Variants in SLC8A3 observed in about 807,000 individuals in gnomAD.
SLC8A3 encodes the protein solute carrier family 8 member A3.
A neutral mutation model predicts 65.4 loss-of-function variants in SLC8A3; 37 were observed. The observed-to-expected ratio is 0.57, with a 90% CI of 0.44 to 0.74. SLC8A3 has a LOEUF of 0.74. Among genes scored for constraint, SLC8A3 ranks in the 30% least tolerant of loss-of-function variants. The probability of loss-of-function intolerance (pLI) is 0.00; values close to 1 mark genes in which losing one functional copy is unlikely to be tolerated. For synonymous variants in SLC8A3, 461 were observed against 444.5 expected (o/e 1.04, Z -0.47); for missense variants, 1,112 against 1,172.1 (o/e 0.95, Z 0.75).
chr14:70,071,770 C>A (rs1434506453), intron 2 of SLC8A3, among the ~76,000 whole-genome samples: 1 of 152,200 alleles, frequency 6.6e-6, no homozygotes, highest in Non-Finnish European at 1.5e-5. Flanking sequence ...ACGTTTCTGA[C>A]AATTTGCTAC....
rs1049372809 is a variant in SLC8A3 at position 70,168,326 on chromosome 14, C to G, written c.97G>C (p.Gly33Arg). 2 of 1,614,158 alleles carry G rather than the reference C, an allele frequency of 1.2e-6. No homozygotes were observed. Among genetic ancestry groups the G allele is most frequent in the Non-Finnish European group, 8.5e-7 (1 of 1,180,026 alleles). ...LFLNGLRAEAGGSGDVPSTGQ... is the reference protein window; with the variant it reads ...LFLNGLRAEARGSGDVPSTGQ... ...GTGCTTGGCACGTCCCCTGAGCCACCAGCCTCTGCTCGAAGACCATTCAGG... is the reference window on the plus strand; with the variant it reads ...GTGCTTGGCACGTCCCCTGAGCCACGAGCCTCTGCTCGAAGACCATTCAGG... Residue 33 changes from glycine to arginine, a missense_variant, in exon 2 of 7, where the codon GGT becomes CGT. Transcript: ENST00000356921.
chr14:70,051,950 A>G (rs375343746), intron 4 of SLC8A3, 40 bp downstream of exon 4: 7 of 1,578,734 alleles, frequency 4.4e-6, no homozygotes, highest in Non-Finnish European at 6.1e-6. Flanking sequence ...TCCCACTTTA[A>G]TTTATTTATT....
In SLC8A3 at chr14:70,045,968, A is replaced by G. The variant is rs767529099; in HGVS notation, c.2745T>C (p.Tyr915=). Residue 915 remains tyrosine, a synonymous_variant, in exon 7 of 7, where the codon TAT becomes TAC. Transcript: ENST00000356921. ...LYILFATLEA[Y]CYIKGF ...TGGCTTAGAACCCCTTGATGTAGCAATAGGCCTCTAGTGTGGCAAAGAGTA... is the reference window on the plus strand; with the variant it reads ...TGGCTTAGAACCCCTTGATGTAGCAGTAGGCCTCTAGTGTGGCAAAGAGTA... The G allele has an allele frequency of 1.4e-5, 22 of 1,599,102 alleles. No individual in the cohort carries two copies. Among genetic ancestry groups the G allele is most frequent in the Non-Finnish European group, 1.7e-5 (20 of 1,169,666 alleles).
At chr14:70,082,751 A>C (rs1042872022) in intron 2 of SLC8A3, among the ~76,000 whole-genome samples, 1 of 152,200 alleles carries the variant, frequency 6.6e-6, no homozygotes, top group African/African-American at 2.4e-5. Context: ...GCCATCAAGC[A>C]TTCCTCTGAA....
intron 2 of SLC8A3, among the ~76,000 whole-genome samples, chr14:70,129,138 C>G (rs1305563448): frequency 6.6e-6 from 1 of 152,222 alleles, no homozygotes; most frequent in Admixed American, 6.5e-5. Flanking sequence ...AAGCCCATCT[C>G]AGATCACACC....
At chr14:70,080,381 T>C (rs1594950929) in intron 2 of SLC8A3, among the ~76,000 whole-genome samples, 1 of 152,144 alleles carries the variant, frequency 6.6e-6, no homozygotes, top group African/African-American at 2.4e-5. Flanking sequence ...GAGATTTACC[T>C]GTGCATTCCA....
intron 2 of SLC8A3, among the ~76,000 whole-genome samples, chr14:70,079,557 A>G (rs759883249): frequency 1.5e-4 from 23 of 152,058 alleles, no homozygotes; most frequent in Non-Finnish European, 3.1e-4. Context: ...TATCACACTG[A>G]ACATTCTCTG....
chr14:70,144,625 A>C (rs1229783572), intron 2 of SLC8A3, among the ~76,000 whole-genome samples: 4 of 69,316 alleles, frequency 5.8e-5, no homozygotes, highest in African/African-American at 2.6e-4. Context: ...GCGAGACTCC[A>C]CCTAAAAAAA....
At chr14:70,111,099 C>T (rs1223724324) in intron 2 of SLC8A3, among the ~76,000 whole-genome samples, 3 of 152,184 alleles carry the variant, frequency 2.0e-5, no homozygotes, top group Non-Finnish European at 4.4e-5. Flanking sequence ...ACTGTTTTCC[C>T]TGGTGGTTGT....
At chr14:70,143,631 G>A (rs1486448558) in intron 2 of SLC8A3, among the ~76,000 whole-genome samples, 3 of 152,074 alleles carry the variant, frequency 2.0e-5, no homozygotes, top group African/African-American at 4.8e-5. Context: ...CAAGCTTCCC[G>A]GGTAATTCTC....
At position 70,167,346 on chromosome 14, in the gene SLC8A3, A is replaced by C; in HGVS notation, c.1077T>G (p.Thr359=). Residue 359 remains threonine, a synonymous_variant, in exon 2 of 7, where the codon ACT becomes ACG. Transcript: ENST00000356921. The stretch of plus-strand genomic sequence containing the variant: ...TATTGCCTGCACCAGTCATCATACG[A>C]GTGGCTTGGATACGGTAGAAGGCAC... ...KSRAFYRIQA[T]RMMTGAGNIL... The C allele has an allele frequency of 6.2e-7, 1 of 1,614,108 alleles. No homozygotes were observed. Among genetic ancestry groups the C allele is most frequent in the Non-Finnish European group, 8.5e-7 (1 of 1,180,020 alleles).
chr14:70,167,532 T>C lies in SLC8A3; in HGVS notation c.891A>G (p.Leu297=), dbSNP rs1165486904. ...MDGKMMNSHF[L]DGNLVPLEGK... ...CTTCCAGGGGCACCAGGTTCCCATC[T>C]AGAAAATGGGAATTCATCATTTTCC... The change falls in exon 2 of 7, where the codon CTA becomes CTG. Residue 297 remains leucine (L), a synonymous_variant. Coordinates refer to ENST00000356921, the MANE Select transcript of SLC8A3 (RefSeq NM_182932.3). 6.2e-7 allele frequency: 1 copy of C among 1,614,034 alleles called. No individual in the cohort carries two copies.
intron 2 of SLC8A3, among the ~76,000 whole-genome samples, chr14:70,111,472 C>T (rs1893300552): frequency 6.6e-6 from 1 of 152,152 alleles, no homozygotes; most frequent in African/African-American, 2.4e-5. Context: ...ATTTTGTAAA[C>T]CATCAAGTGT....
intron 2 of SLC8A3, among the ~76,000 whole-genome samples, chr14:70,118,822 G>A (rs1316438500): frequency 6.6e-6 from 1 of 152,148 alleles, no homozygotes; most frequent in Non-Finnish European, 1.5e-5. Flanking sequence ...AAGAACACAA[G>A]CAGTTGTACA....
chr14:70,159,994 C>T (rs529771795), intron 2 of SLC8A3, among the ~76,000 whole-genome samples: 2 of 152,296 alleles, frequency 1.3e-5, no homozygotes, highest in Admixed American at 1.3e-4. Flanking sequence ...CACCAACCAA[C>T]TGTGGGTGCC....
intron 1 of SLC8A3, among the ~76,000 whole-genome samples, chr14:70,186,381 C>T (rs1238472901): frequency 1.3e-5 from 2 of 152,250 alleles, no homozygotes; most frequent in Middle Eastern, 3.4e-3. Flanking sequence ...GTATAATAAG[C>T]AGGGATGTGG....
chr14:70,150,528 T>C (rs1295932728), intron 2 of SLC8A3, among the ~76,000 whole-genome samples: 1 of 152,138 alleles, frequency 6.6e-6, no homozygotes, highest in East Asian at 1.9e-4. Flanking sequence ...CATCAAGCAG[T>C]GATAGGAGGG....
chr14:70,140,617 T>C (rs1462676104), intron 2 of SLC8A3, among the ~76,000 whole-genome samples: 1 of 152,186 alleles, frequency 6.6e-6, no homozygotes, highest in Non-Finnish European at 1.5e-5. Context: ...CTCTGTAAAA[T>C]AGTAATAGTA....
intron 2 of SLC8A3, among the ~76,000 whole-genome samples, chr14:70,105,613 A>G (rs1196701979): frequency 6.6e-6 from 1 of 152,216 alleles, no homozygotes; most frequent in Non-Finnish European, 1.5e-5. Context: ...CCTTCCCCCA[A>G]GGAAGCTCTA....
Sources: allele counts gnomAD v4.1 joint callset (sites outside exome capture counted in the v4.1 genomes callset), GRCh38; gene constraint gnomAD v4.1.1; transcripts MANE v1.5; gene names NCBI Gene and HGNC (gene_info 2026-07-23, HGNC 2026-07-21).